Variants in THBS2 observed in about 807,000 individuals in gnomAD.
THBS2 encodes thrombospondin-2.
In THBS2, 47 loss-of-function variants were observed where a neutral mutation model predicts 135.2. That is an observed-to-expected ratio of 0.35 (90% confidence interval 0.28 to 0.44). THBS2 has a LOEUF of 0.44. Ranked by LOEUF, THBS2 falls within the 20% of genes least tolerant of loss-of-function variation. THBS2 has a pLI of 1.00. For missense variants in THBS2, 1,288 were observed against 1,603.1 expected (o/e 0.80, Z 3.36); for synonymous variants, 639 against 633.8 (o/e 1.01, Z -0.12).
Position 169,253,705 on chromosome 6 carries a change from G to A in THBS2, c.-23+19C>T, listed in dbSNP as rs918645553. On this transcript the variant is annotated intron_variant, in intron 1 of 21. Coordinates refer to ENST00000617924, the MANE Select transcript of THBS2 (RefSeq NM_003247.5). ...AGAGCACCATTAAATAATTGATTGA[G>A]TTTAAGAAATAATCGTACCTGGTTT... The A allele has an allele frequency of 2.0e-5, 3 of 152,224 alleles. No individual in the cohort carries two copies. The highest frequency in any genetic ancestry group is 2.0e-4 in the Admixed American group (3 of 15,282). The allele number at this position is 152,224 out of a possible 1,614,324, so 9.4% of individuals were successfully genotyped here. A position where few individuals can be genotyped will look rare whatever the true frequency, so the allele number is the denominator to read the frequency against.
chr6:169,217,246 T>C lies in THBS2; in HGVS notation c.*576A>G, dbSNP rs1423398309. 1 of 152,390 alleles carries C rather than the reference T, an allele frequency of 6.6e-6. No individual in the cohort carries two copies. The highest frequency in any genetic ancestry group is 1.5e-5 in the Non-Finnish European group (1 of 68,158). 9.4% of individuals were successfully genotyped at this position (152,390 alleles called of 1,614,324 possible). ...TTCCGATTAGTTAATCGGTAGCTTA[T>C]GTCATTTGCTATGCCTGTTGTCTTC... On this transcript the variant is annotated 3_prime_UTR_variant, in exon 22 of 22. Transcript: ENST00000617924.
At chr6:169,223,529 T>C in intron 17 of THBS2, 54 bp from the exon 18 acceptor site, 1 of 1,530,810 alleles carries the variant, frequency 6.5e-7, no homozygotes, top group Admixed American at 1.7e-5. Flanking sequence ...GCAAAGTCGG[T>C]GGTCGGTGGT....
chr6:169,223,457 A>G lies in THBS2; in HGVS notation c.2792T>C (p.Ile931Thr), dbSNP rs114156352. ...EDLDGDGRGD[I>T]CKDDFDNDNI... is the part of the protein sequence containing the mutation. ...GTCATTGTCAAAATCATCTTTACAA[A>G]TATCACCCCGTCCATCACCTATGCA... The change falls in exon 18 of 22, where the codon ATT becomes ACT. Residue 931 changes from isoleucine to threonine, a missense_variant. Ile to Thr is a moderately conservative substitution (Grantham distance 89). Around this residue, in one of 2 missense-constraint regions of THBS2, gnomAD observed 874 missense variants for 1,156.1 expected, o/e 0.76. Coordinates refer to ENST00000617924, the MANE Select transcript of THBS2 (RefSeq NM_003247.5). The G allele has an allele frequency of 2.5e-6, 4 of 1,613,972 alleles. No individual in the cohort carries two copies. Among genetic ancestry groups the G allele is most frequent in the African/African-American group, 2.7e-5 (2 of 74,928 alleles).
chr6:169,232,505 G>A (rs2114995675), intron 12 of THBS2, among the ~76,000 whole-genome samples, 159 bp downstream of exon 12: 1 of 152,306 alleles, frequency 6.6e-6, no homozygotes, highest in African/African-American at 2.4e-5. Context: ...GGAGAGCAGC[G>A]GCCCAGCCGA....
intron 4 of THBS2, 149 bp from the exon 5 acceptor site, chr6:169,242,107 C>T: frequency 1.1e-6 from 1 of 897,374 alleles, no homozygotes; most frequent in Non-Finnish European, 1.6e-6. Context: ...GCAGCAGAGG[C>T]CAGGACCACA....
At chr6:169,247,006 C>T (rs775371686) in intron 3 of THBS2, among the ~76,000 whole-genome samples, 2 of 152,200 alleles carry the variant, frequency 1.3e-5, no homozygotes, top group Non-Finnish European at 2.9e-5. Flanking sequence ...CTAGCCCTTT[C>T]CCTTGGAAAA....
At chr6:169,229,503 A>T in intron 14 of THBS2, 69 bp downstream of exon 14, 4 of 1,252,536 alleles carry the variant, frequency 3.2e-6, no homozygotes, top group Non-Finnish European at 4.7e-6. Flanking sequence ...TGTTTGGTAT[A>T]AAGTGGCCTC....
intron 2 of THBS2, 102 bp downstream of exon 2, chr6:169,250,631 G>T: frequency 9.6e-7 from 1 of 1,045,790 alleles, no homozygotes; most frequent in Non-Finnish European, 1.4e-6. Flanking sequence ...GTCCTCACGG[G>T]TAAGATTGTC....
intron 5 of THBS2, 67 bp from the exon 6 acceptor site, chr6:169,240,659 G>A: frequency 1.3e-6 from 2 of 1,548,514 alleles, no homozygotes; most frequent in South Asian, 1.2e-5. Flanking sequence ...CATGCTTGTG[G>A]ATGAAAAACA....
At chr6:169,224,838 C>T (rs753527070) in intron 17 of THBS2, among the ~76,000 whole-genome samples, 7 of 152,164 alleles carry the variant, frequency 4.6e-5, no homozygotes, top group East Asian at 3.8e-4. Context: ...GTTCGTAACC[C>T]GCATTCTTTC....
intron 20 of THBS2, among the ~76,000 whole-genome samples, chr6:169,221,063 G>A (rs1003354483): frequency 6.6e-6 from 1 of 152,186 alleles, no homozygotes. Flanking sequence ...TCATACAACC[G>A]TGTTTTAAAT....
rs1220305916 is a variant in THBS2 at position 169,218,023 on chromosome 6, CGGTG to C, written c.3512-198_3512-195del. 3.2e-4 allele frequency among the ~76,000 whole-genome samples: 10 copies of C among 31,722 alleles called. No individual in the cohort carries two copies. In the South Asian group the frequency reaches 7.6e-3, roughly 24 times the overall value. 20.8% of individuals were successfully genotyped at this position (31,722 alleles called of 152,430 possible). A position where few individuals can be genotyped will look rare whatever the true frequency, so the allele number is the denominator to read the frequency against. On this transcript the variant is annotated intron_variant, in intron 21 of 21. Transcript: ENST00000617924. ...GGGTGGGTGGATGGATGAGATGGGT[CGGTG>C]GGTGGGTGGATGAGATGGATGGATG...
At chr6:169,239,718 A>C (rs993518058) in intron 6 of THBS2, 23 bp from the exon 7 acceptor site, 1 of 1,553,664 alleles carries the variant, frequency 6.4e-7, no homozygotes, top group Non-Finnish European at 8.8e-7. Context: ...AAAGGCATGC[A>C]TGGAACACTC....
At chr6:169,229,192 T>A (rs1013353608) in intron 14 of THBS2, among the ~76,000 whole-genome samples, 1 of 152,228 alleles carries the variant, frequency 6.6e-6, no homozygotes, top group African/African-American at 2.4e-5. Flanking sequence ...ACCATTTGTG[T>A]TTGCAGCAAT....
chr6:169,230,850 C>G (rs1157185749), intron 13 of THBS2, among the ~76,000 whole-genome samples: 3 of 152,116 alleles, frequency 2.0e-5, no homozygotes, highest in Non-Finnish European at 2.9e-5. Flanking sequence ...TATTTTGTTT[C>G]AGTGAGTATT....
At chr6:169,229,191 G>C (rs1779747089) in intron 14 of THBS2, among the ~76,000 whole-genome samples, 1 of 152,166 alleles carries the variant, frequency 6.6e-6, no homozygotes, top group Admixed American at 6.5e-5. Context: ...AACCATTTGT[G>C]TTTGCAGCAA....
At chr6:169,227,745 T>C (rs547923834) in intron 15 of THBS2, among the ~76,000 whole-genome samples, 12 of 152,154 alleles carry the variant, frequency 7.9e-5, no homozygotes, top group Non-Finnish European at 1.8e-4. Flanking sequence ...AAATTCAGAA[T>C]AAAACATGAA....
chr6:169,232,748 G>A lies in THBS2; in HGVS notation c.1848C>T (p.Gly616=). 1.2e-6 allele frequency: 2 copies of A among 1,614,028 alleles called. No individual in the cohort carries two copies. Among genetic ancestry groups the A allele is most frequent in the Non-Finnish European group, 1.7e-6 (2 of 1,179,944 alleles). The change falls in exon 12 of 22, where the codon GGC becomes GGT. Residue 616 remains glycine (G), a synonymous_variant. Coordinates refer to ENST00000617924, the MANE Select transcript of THBS2 (RefSeq NM_003247.5). ...KVPRCVNTQP[G]FHCLPCPPRY... is the part of the protein sequence containing the mutation. ...GGGGCGGGCAGGGCAGGCAGTGGAA[G>A]CCAGGCTGAGTGTTGACACAGCGAG...
At chr6:169,224,053 G>A (rs926284871) in intron 17 of THBS2, among the ~76,000 whole-genome samples, 2 of 147,152 alleles carry the variant, frequency 1.4e-5, no homozygotes, top group Admixed American at 6.6e-5. Flanking sequence ...TTTGCCACAT[G>A]TGTCCAGTCT....
Sources: gnomAD v4.1 joint callset for allele counts (sites outside exome capture counted in the v4.1 genomes callset) on GRCh38, gnomAD v4.1.1 for gene constraint, gnomAD v4.1.1 regional missense constraint, MANE v1.5 for transcripts, NCBI Gene and HGNC (gene_info 2026-07-23, HGNC 2026-07-21) for gene names.